The following ATAD2 variants were observed in gnomAD, a reference collection of about 807,000 sequenced individuals.
ATAD2 encodes ATPase family AAA domain-containing protein 2.
In ATAD2, 62 loss-of-function variants were observed where a neutral mutation model predicts 168.9. That is an observed-to-expected ratio of 0.37 (90% CI 0.30 to 0.45). The LOEUF is 0.45. Ranked by LOEUF, ATAD2 falls within the 20% of genes least tolerant of loss-of-function variation. ATAD2 has a pLI of 1.00. For synonymous variants in ATAD2, 613 were observed against 571.6 expected (o/e 1.07, Z -1.03); for missense variants, 1,419 against 1,667.8 (o/e 0.85, Z 2.60).
chr8:123,369,205 GTATA>G (rs5894661), intron 7 of ATAD2, 30 bp from the exon 8 acceptor site: 231 of 634,352 alleles, frequency 3.6e-4, no homozygotes, highest in East Asian at 5.3e-4. Context: ...ATATATATTT[GTATA>G]TATATATATA....
In ATAD2 at chr8:123,380,691, T is replaced by C; in HGVS notation, c.172-14A>G. The C allele has an allele frequency of 1.9e-6, 3 of 1,594,716 alleles. No individual in the cohort carries two copies. Among genetic ancestry groups the C allele is most frequent in the Non-Finnish European group, 2.6e-6 (3 of 1,171,596 alleles). Reference sequence around the variant, plus strand: ...TGATGACCCATCCTTTAAGAAAAATTAAGAAAGCCATCTAAGTTTTTCTTT... The same window carrying C: ...TGATGACCCATCCTTTAAGAAAAATCAAGAAAGCCATCTAAGTTTTTCTTT... On this transcript the variant is annotated splice_polypyrimidine_tract_variant and intron_variant, in intron 1 of 27. Transcript: ENST00000287394.
chr8:123,369,903 T>TTCATCTTCA lies in ATAD2; in HGVS notation c.840_848dup (p.Asp280_Asp282dup), dbSNP rs768368419. 29 of 1,602,450 alleles carry TTCATCTTCA rather than the reference T, an allele frequency of 1.8e-5. No individual in the cohort carries two copies. Among genetic ancestry groups the TTCATCTTCA allele is most frequent in the South Asian group, 1.1e-4 (10 of 90,838 alleles). Reference sequence around the variant, plus strand: ...TCTGATTCTCTTCTTCTCCATCTTCTTCATCTTCATCATCTTCATCATCAT... The same window carrying TTCATCTTCA: ...TCTGATTCTCTTCTTCTCCATCTTCTTCATCTTCATCATCTTCATCATCTTCATCATCAT... On this transcript the variant is annotated inframe_insertion, in exon 7 of 28. Transcript: ENST00000287394.
rs143755040 is a variant in ATAD2, at chr8:123,406,924, C to G, written c.-2281-5749G>C. 6.8e-3 allele frequency among the ~76,000 whole-genome samples: 1,028 copies of G among 151,952 alleles called. 9 individuals are homozygous for G. Among genetic ancestry groups the G allele is most frequent in the Admixed American group, 0.014 (221 of 15,256 alleles). ...ATAAACCTCCCCTTGTGAATGTGAT[C>G]TGATTTGGAAATAGGATCTTTGCAG... On this transcript the variant is annotated intron_variant, in intron 1 of 28. Transcript: ENST00000521903.
intron 1 of ATAD2, among the ~76,000 whole-genome samples, chr8:123,416,024 G>A (rs1447537087): frequency 1.3e-5 from 2 of 151,896 alleles, no homozygotes; most frequent in Non-Finnish European, 2.9e-5. Context: ...CTGTATCAGG[G>A]AATTAATATA....
At chr8:123,365,367 C>G (rs976849580) in intron 8 of ATAD2, among the ~76,000 whole-genome samples, 2 of 152,066 alleles carry the variant, frequency 1.3e-5, no homozygotes, top group African/African-American at 2.4e-5. Context: ...AAGCAATCTA[C>G]AAATTCAACA....
intron 1 of ATAD2, among the ~76,000 whole-genome samples, chr8:123,388,108 T>C (rs1829698284): frequency 6.6e-6 from 1 of 152,220 alleles, no homozygotes; most frequent in African/African-American, 2.4e-5. Flanking sequence ...CCTCCACAGC[T>C]CTTTCAGTAC....
intron 19 of ATAD2, among the ~76,000 whole-genome samples, chr8:123,339,893 TTTTC>T (rs1828017628): frequency 6.6e-6 from 1 of 151,508 alleles, no homozygotes; most frequent in Admixed American, 6.6e-5. Context: ...ACTTTTTTTG[TTTTC>T]TTTTTTTTTT....
intron 20 of ATAD2, 76 bp downstream of exon 20, chr8:123,339,234 TA>T: frequency 8.8e-6 from 11 of 1,253,082 alleles, no homozygotes; most frequent in Non-Finnish European, 1.2e-5. Flanking sequence ...TGTTATCAGA[TA>T]CATGTCAATG....
At chr8:123,401,510 G>A in intron 1 of ATAD2, 1 of 1,567,022 alleles carries the variant, frequency 6.4e-7, no homozygotes, top group South Asian at 1.1e-5. Flanking sequence ...CCAAGAACCT[G>A]ATTGATGCTG....
At chr8:123,384,247 G>A (rs899629957) in intron 1 of ATAD2, among the ~76,000 whole-genome samples, 22 of 152,122 alleles carry the variant, frequency 1.4e-4, no homozygotes, top group African/African-American at 5.3e-4. Context: ...GACTTTTGAT[G>A]TATAACAAAA....
Position 123,371,930 on chromosome 8 carries a change from C to A in ATAD2, c.371-95G>T. On this transcript the variant is annotated intron_variant, in intron 3 of 27. Transcript: ENST00000287394. Reference sequence around the variant, plus strand: ...ATGAACAATTGAAAAGCTATACTTTCATGTAACAAAATTACAGTATCTTAA... The same window carrying A: ...ATGAACAATTGAAAAGCTATACTTTAATGTAACAAAATTACAGTATCTTAA... 3 of 1,217,950 alleles carry A rather than the reference C, an allele frequency of 2.5e-6. No individual in the cohort carries two copies. In the South Asian group the frequency reaches 5.8e-5, roughly 23 times the overall value. 75.4% of individuals were successfully genotyped at this position (1,217,950 alleles called of 1,614,324 possible).
intron 2 of ATAD2, among the ~76,000 whole-genome samples, chr8:123,377,343 A>C (rs1829349369): frequency 6.6e-6 from 1 of 152,098 alleles, no homozygotes; most frequent in Non-Finnish European, 1.5e-5. Context: ...AAAAATACCA[A>C]GTCATTCCTC....
chr8:123,324,247 C>T (rs990928532), intron 26 of ATAD2, among the ~76,000 whole-genome samples: 1 of 152,174 alleles, frequency 6.6e-6, no homozygotes, highest in Non-Finnish European at 1.5e-5. Context: ...AAAGGCTTTC[C>T]TAAGTTCATT....
chr8:123,410,397 C>T (rs1437864676), intron 1 of ATAD2, among the ~76,000 whole-genome samples: 2 of 152,172 alleles, frequency 1.3e-5, no homozygotes, highest in Non-Finnish European at 2.9e-5. Context: ...AGCGATTCTC[C>T]TGCCTCAGCC....
rs759181017 is a variant in ATAD2 at position 123,322,893 on chromosome 8, G to A, written c.4131+45C>T. 1.9e-6 allele frequency: 3 copies of A among 1,576,966 alleles called. No individual in the cohort carries two copies. The Admixed American group carries it at 5.2e-5, about 28-fold the overall frequency. On this transcript the variant is annotated intron_variant, in intron 27 of 27. Transcript: ENST00000287394. ...AATCCTACATAAGTGATATATTAAT[G>A]TGACCACAAGAGCATTTGTAAAAAG...
rs201676366 is a variant in ATAD2 at position 123,380,650 on chromosome 8, T to C, written c.199A>G (p.Thr67Ala). 2.4e-5 allele frequency: 38 copies of C among 1,613,840 alleles called. No homozygotes were observed. Among genetic ancestry groups the C allele is most frequent in the Non-Finnish European group, 5.1e-6 (6 of 1,179,950 alleles). ...CTTAAAGCACGTGTCCGGTGGTAGGTTTCAACTTCCTTAACTGATGACCCA... is the reference window on the plus strand; with the variant it reads ...CTTAAAGCACGTGTCCGGTGGTAGGCTTCAACTTCCTTAACTGATGACCCA... ...GDGSSVKEVE[T>A]YHRTRALRSL... The change falls in exon 2 of 28, where the codon ACC (threonine) becomes GCC (alanine). Residue 67 changes from threonine to alanine, a missense_variant. Thr to Ala is a moderately conservative substitution (Grantham distance 58). Coordinates refer to ENST00000287394, the MANE Select transcript of ATAD2 (RefSeq NM_014109.4).
intron 21 of ATAD2, 57 bp downstream of exon 21, chr8:123,337,567 CT>C: frequency 1.4e-6 from 2 of 1,442,682 alleles, no homozygotes; most frequent in East Asian, 4.7e-5. Context: ...TTCAAATATC[CT>C]TTGATTGTGA....
intron 24 of ATAD2, among the ~76,000 whole-genome samples, chr8:123,330,414 G>T (rs1302497916): frequency 6.6e-6 from 1 of 151,914 alleles, no homozygotes; most frequent in Non-Finnish European, 1.5e-5. Flanking sequence ...ACCCAGGCTG[G>T]AGTGCTGTCA....
chr8:123,337,742 T>C lies in ATAD2; in HGVS notation c.2934A>G (p.Leu978=). ...RSLTAEEVKR[L]EEQEEDTFRE... is the part of the protein sequence containing the mutation. Reference sequence around the variant, plus strand: ...TAAATGTATCTTCTTCTTGTTCTTCTAGTCGTTTCACTTCTTCTGCTGTCA... The same window carrying C: ...TAAATGTATCTTCTTCTTGTTCTTCCAGTCGTTTCACTTCTTCTGCTGTCA... The change falls in exon 21 of 28, where the codon CTA becomes CTG. Residue 978 remains leucine (L), a synonymous_variant. Coordinates refer to ENST00000287394, the MANE Select transcript of ATAD2 (RefSeq NM_014109.4). The C allele has an allele frequency of 6.2e-7, 1 of 1,613,866 alleles. No individual in the cohort carries two copies. The highest frequency in any genetic ancestry group is 1.1e-5 in the South Asian group (1 of 90,956).
Sources: allele counts gnomAD v4.1 joint callset (sites outside exome capture counted in the v4.1 genomes callset), GRCh38; gene constraint gnomAD v4.1.1; transcripts MANE v1.5; gene names NCBI Gene and HGNC (gene_info 2026-07-23, HGNC 2026-07-21).